Variants in PLA2G4F observed in about 807,000 individuals in gnomAD.
PLA2G4F encodes the protein phospholipase A2 group IVF.
PLA2G4F carries 105 observed loss-of-function variants against 103.1 expected under a neutral mutation model. The ratio of observed to expected loss-of-function variants is 1.02; its 90% CI spans 0.87 to 1.20. The LOEUF is 1.20. PLA2G4F is among the 50% of genes most tolerant of loss of function. The probability of loss-of-function intolerance (pLI) is 0.00; values close to 1 mark genes in which losing one functional copy is unlikely to be tolerated. For missense variants in PLA2G4F, 1,155 were observed against 1,075.9 expected (o/e 1.07, Z -1.03); for synonymous variants, 468 against 441.1 (o/e 1.06, Z -0.76).
intron 11 of PLA2G4F, chr15:42,149,379 A>G (rs181671876): frequency 1.4e-4 from 90 of 649,994 alleles, no homozygotes; most frequent in Admixed American, 5.7e-4. Context: ...CAGCTCCACC[A>G]GGAAGAGGAG....
intron 19 of PLA2G4F, 34 bp from the exon 20 acceptor site, chr15:42,142,238 T>A: frequency 6.4e-7 from 1 of 1,568,102 alleles, no homozygotes; most frequent in Non-Finnish European, 8.7e-7. Flanking sequence ...GAGGCCAGGA[T>A]GGAGCCCTCT....
chr15:42,152,855 G>A, intron 6 of PLA2G4F, 101 bp from the exon 7 acceptor site: 1 of 1,150,520 alleles, frequency 8.7e-7, no homozygotes, highest in Non-Finnish European at 1.2e-6. Flanking sequence ...AACAGCCATG[G>A]CCCCATCCAG....
At chr15:42,148,076 G>A (rs188942120) in intron 11 of PLA2G4F, among the ~76,000 whole-genome samples, 66 of 152,174 alleles carry the variant, frequency 4.3e-4, no homozygotes, top group African/African-American at 1.6e-3. Flanking sequence ...CCAGCTATCT[G>A]GAGGCTGAGG....
At chr15:42,156,347 C>A in intron 1 of PLA2G4F, 92 bp downstream of exon 1, 1 of 1,055,758 alleles carries the variant, frequency 9.5e-7, no homozygotes, top group Non-Finnish European at 1.4e-6. Context: ...AACTCAAAAC[C>A]CAGGGCTGGG....
At position 42,145,832 on chromosome 15, in the gene PLA2G4F, C is replaced by T. The variant is rs199731908; in HGVS notation, c.1606G>A (p.Gly536Ser). 48 of 1,613,988 alleles carry T rather than the reference C, an allele frequency of 3.0e-5. No homozygotes were observed. The highest frequency in any genetic ancestry group is 2.2e-5 in the East Asian group (1 of 44,894). ...YGAYVPTELF[G>S]SELFMGRLLQ... is the part of the protein sequence containing the mutation. ...AATCGTCCCATGAAGAGTTCTGAGC[C>T]GAAGAGCTCGGTGGGAACATAAGCC... Residue 536 changes from glycine (G) to serine (S), a missense_variant, in exon 15 of 20, where the codon GGC becomes AGC. This residue lies in a region of PLA2G4F where 782 missense variants were observed against 692.9 expected (regional missense o/e 1.13). Coordinates refer to ENST00000397272, the MANE Select transcript of PLA2G4F (RefSeq NM_213600.4).
intron 13 of PLA2G4F, chr15:42,146,819 A>C (rs1037622228): frequency 3.2e-6 from 1 of 312,122 alleles, no homozygotes; most frequent in African/African-American, 2.1e-5. Context: ...TCCTGAGAAC[A>C]ACTAAAATCA....
In PLA2G4F at chr15:42,144,121, T is replaced by C. The variant is rs199876237; in HGVS notation, c.1999A>G (p.Asn667Asp). ...WKDTHPDAFP[N>D]QLTPMRDCLY... ...CAGTCCCGCATGGGGGTGAGCTGGT[T>C]GGGGAAGGCGTCCGGGTGTGTGTCT... Residue 667 changes from asparagine to aspartate, a missense_variant, in exon 18 of 20, where the codon AAC becomes GAC. Asn to Asp is a conservative substitution (Grantham distance 23, BLOSUM62 1). This residue lies in a region of PLA2G4F where 782 missense variants were observed against 692.9 expected (regional missense o/e 1.13). Transcript: ENST00000397272. 1.4e-4 allele frequency: 230 copies of C among 1,612,560 alleles called. 1 individual carries two copies. The highest frequency in any genetic ancestry group is 8.3e-4 in the Middle Eastern group (5 of 6,016).
In PLA2G4F at chr15:42,153,291, C is replaced by G; in HGVS notation, c.534+9G>C. ...CCAGAACAGCGCCAAGCTTGCCTTC[C>G]CCACTCACCACCAGAACCCCGTTGG... On this transcript the variant is annotated intron_variant, in intron 6 of 19. Transcript: ENST00000397272. The G allele has an allele frequency of 2.5e-6, 4 of 1,614,028 alleles. No homozygotes were observed. Among genetic ancestry groups the G allele is most frequent in the Non-Finnish European group, 3.4e-6 (4 of 1,179,916 alleles).
At position 42,141,775 on chromosome 15, in the gene PLA2G4F, C is replaced by T; in HGVS notation, c.*209G>A. The T allele has an allele frequency of 1.6e-6, 1 of 621,740 alleles. No homozygotes were observed. The highest frequency in any genetic ancestry group is 2.8e-5 in the East Asian group (1 of 35,490). 38.5% of individuals were successfully genotyped at this position (621,740 alleles called of 1,614,324 possible). On this transcript the variant is annotated 3_prime_UTR_variant, in exon 20 of 20. Transcript: ENST00000397272. Reference sequence around the variant, plus strand: ...AGAGTCCCTGGAGCGATCTACTGCCCATCTTCTCCAAAAACACACAAGGAG... The same window carrying T: ...AGAGTCCCTGGAGCGATCTACTGCCTATCTTCTCCAAAAACACACAAGGAG...
chr15:42,142,243 C>A (rs376417509), intron 19 of PLA2G4F, 39 bp from the exon 20 acceptor site: 17 of 1,558,050 alleles, frequency 1.1e-5, no homozygotes, highest in Non-Finnish European at 1.3e-5. Context: ...CAGGATGGAG[C>A]CCTCTGTGGA....
At chr15:42,143,892 CAG>C (rs943470743) in intron 18 of PLA2G4F, 84 bp downstream of exon 18, 55 of 1,467,578 alleles carry the variant, frequency 3.7e-5, no homozygotes, top group Non-Finnish European at 4.9e-5. Flanking sequence ...TCCCCCTCAC[CAG>C]AGCCTTCTTT....
rs757115245 is a variant in PLA2G4F at position 42,156,441 on chromosome 15, G to A, written c.109C>T (p.Arg37Trp). 2.1e-5 allele frequency: 32 copies of A among 1,558,428 alleles called. No individual in the cohort carries two copies. The highest frequency in any genetic ancestry group is 1.7e-4 in the Middle Eastern group (1 of 6,014). Reference sequence around the variant, plus strand: ...CCAGGTAATCTCAGGTACGTTACCCGCCAGTGCCTCCACAGAGGGCCCCTC... The same window carrying A: ...CCAGGTAATCTCAGGTACGTTACCCACCAGTGCCTCCACAGAGGGCCCCTC... ...EKRGPLWRHW[R>W]RETYPYYDLQ... is the part of the protein sequence containing the mutation. Residue 37 changes from arginine to tryptophan, a missense_variant and splice_region_variant, in exon 1 of 20, where the codon CGG becomes TGG. This residue lies in a region of PLA2G4F where 370 missense variants were observed against 364.9 expected (regional missense o/e 1.01). Transcript: ENST00000397272.
At chr15:42,149,540 AGGGCCGTTTGGCCCT>A (rs1477397614) in intron 11 of PLA2G4F, 158 bp downstream of exon 11, 3 of 985,224 alleles carry the variant, frequency 3.0e-6, no homozygotes, top group Non-Finnish European at 3.6e-6. Flanking sequence ...AGCTTTGGCC[AGGGCCGTTTGGCCCT>A]GGTCCCATAT....
At chr15:42,147,851 GTCTTACACGTATTATCTCATTGAA>G in intron 11 of PLA2G4F, 89 bp from the exon 12 acceptor site, 1 of 1,528,134 alleles carries the variant, frequency 6.5e-7, no homozygotes, top group Non-Finnish European at 8.9e-7. Flanking sequence ...TATTCTAAGA[GTCTTACACGTATTATCTCATTGAA>G]TCCTCACAGC....
At chr15:42,153,269 G>T (rs748361795) in intron 6 of PLA2G4F, 31 bp downstream of exon 6, 2 of 1,610,846 alleles carry the variant, frequency 1.2e-6, no homozygotes, top group East Asian at 2.2e-5. Context: ...CCCCAGCCCA[G>T]AACAGCGCCA....
At position 42,144,517 on chromosome 15, in the gene PLA2G4F, A is replaced by G. The variant is rs1176366113; in HGVS notation, c.1908T>C (p.Phe636=). 1 of 1,612,638 alleles carries G rather than the reference A, an allele frequency of 6.2e-7. No homozygotes were observed. The highest frequency in any genetic ancestry group is 8.5e-7 in the Non-Finnish European group (1 of 1,180,020). ...GCAAGCAGAGACCCCGGGTGAAGTT[A>G]AAGCTCTGGGCGGAAGTGAAGCGGG... The part of the protein sequence containing the change: ...FTSRFTSAQS[F]NFTRGLCLHK... Residue 636 remains phenylalanine, a synonymous_variant, in exon 17 of 20, where the codon TTT becomes TTC. Coordinates refer to ENST00000397272, the MANE Select transcript of PLA2G4F (RefSeq NM_213600.4).
At chr15:42,142,994 C>T (rs1332493983) in intron 18 of PLA2G4F, among the ~76,000 whole-genome samples, 1 of 152,140 alleles carries the variant, frequency 6.6e-6, no homozygotes, top group Admixed American at 6.5e-5. Context: ...CCCTGGCCAA[C>T]ATGGTGAAAC....
At chr15:42,145,420 T>C (rs2048871306) in intron 16 of PLA2G4F, among the ~76,000 whole-genome samples, 155 bp downstream of exon 16, 1 of 152,112 alleles carries the variant, frequency 6.6e-6, no homozygotes, top group South Asian at 2.1e-4. Flanking sequence ...TCTGGGCATC[T>C]AGACACCCTA....
intron 11 of PLA2G4F, 42 bp downstream of exon 11, chr15:42,149,671 G>C: frequency 6.2e-7 from 1 of 1,611,782 alleles, no homozygotes; most frequent in Non-Finnish European, 8.5e-7. Flanking sequence ...ACTTGATTTA[G>C]TCCTAGAGGC....
Sources: gnomAD v4.1 joint callset for allele counts (sites outside exome capture counted in the v4.1 genomes callset) on GRCh38, gnomAD v4.1.1 for gene constraint, gnomAD v4.1.1 regional missense constraint, MANE v1.5 for transcripts, NCBI Gene and HGNC (gene_info 2026-07-23, HGNC 2026-07-21) for gene names.